The following GAB1 variants were observed in gnomAD, a reference collection of about 807,000 sequenced individuals.
GAB1 encodes GRB2 associated binding protein 1.
A neutral mutation model predicts 66.5 loss-of-function variants in GAB1; 19 were observed. The observed-to-expected ratio is 0.29, with a 90% CI of 0.20 to 0.42. The LOEUF (loss-of-function observed/expected upper bound fraction) is 0.42. GAB1 is among the 10% of genes least tolerant of loss of function. GAB1 has a pLI of 1.00. For synonymous variants in GAB1, 294 were observed against 301.4 expected (o/e 0.98, Z 0.25); for missense variants, 732 against 858.5 (o/e 0.85, Z 1.84).
intron 1 of GAB1, among the ~76,000 whole-genome samples, chr4:143,394,275 C>T (rs1305194388): frequency 2.5e-4 from 38 of 151,804 alleles, no homozygotes; most frequent in African/African-American, 7.7e-4. Flanking sequence ...GAGACTCTGT[C>T]TCAAAACAAA....
At chr4:143,373,864 A>ATATATATATATATATATATATATATAT (rs1553945752) in intron 1 of GAB1, among the ~76,000 whole-genome samples, 4 of 50,802 alleles carry the variant, frequency 7.9e-5, no homozygotes, top group African/African-American at 4.2e-4. Flanking sequence ...TCTGTAAATA[A>ATATATATATATATATATATATATATAT]ATAAATATAT....
At chr4:143,349,538 C>T (rs1362870378) in intron 1 of GAB1, 9 of 1,511,862 alleles carry the variant, frequency 6.0e-6, no homozygotes, top group South Asian at 3.4e-5. Flanking sequence ...GGCACAGGTG[C>T]GGAGACGATG....
At position 143,460,412 on chromosome 4, in the gene GAB1, A is replaced by G; in HGVS notation, c.1728A>G (p.Thr576=). 6.2e-7 allele frequency: 1 copy of G among 1,613,798 alleles called. No homozygotes were observed. The highest frequency in any genetic ancestry group is 8.5e-7 in the Non-Finnish European group (1 of 1,179,716). ...MSPRPDSVHS[T]TSSSDSHDSE... is the part of the protein sequence containing the mutation. ...CCCGACCAGATTCAGTGCATAGCAC[A>G]ACTTCAAGCAGTGACTCACACGACA... The change falls in exon 8 of 10, where the codon ACA becomes ACG. Residue 576 remains threonine, a synonymous_variant. Transcript: ENST00000262994.
At chr4:143,404,121 G>T (rs1731919436) in intron 1 of GAB1, among the ~76,000 whole-genome samples, 1 of 152,196 alleles carries the variant, frequency 6.6e-6, no homozygotes, top group Non-Finnish European at 1.5e-5. Context: ...AAGAAAATGG[G>T]AATGTTTTGT....
At position 143,343,509 on chromosome 4, in the gene GAB1, G is replaced by T. The variant is rs1418235561; in HGVS notation, c.72+6249G>T. ...TGCCTGTTGACTGAATAATAAACAG[G>T]TATCGCAGGAGCTTTTGTTATGTGC... On this transcript the variant is annotated intron_variant, in intron 1 of 9. Transcript: ENST00000262994. 4 of 154,822 alleles carry T rather than the reference G, an allele frequency of 2.6e-5. No homozygotes were observed. The East Asian group carries it at 7.7e-4, about 30-fold the overall frequency. 9.6% of individuals were successfully genotyped at this position (154,822 alleles called of 1,614,324 possible). A position where few individuals can be genotyped will look rare whatever the true frequency, so the allele number is the denominator to read the frequency against.
chr4:143,420,118 T>C (rs1033362677), intron 2 of GAB1, among the ~76,000 whole-genome samples: 1 of 152,126 alleles, frequency 6.6e-6, no homozygotes, highest in Non-Finnish European at 1.5e-5. Flanking sequence ...CACCAATCAC[T>C]AAATAATAGT....
chr4:143,373,064 CACACACA>C (rs1730210545), intron 1 of GAB1, among the ~76,000 whole-genome samples: 1 of 152,078 alleles, frequency 6.6e-6, no homozygotes, highest in South Asian at 2.1e-4. Context: ...CACACACACA[CACACACA>C]CACACACATC....
chr4:143,399,641 T>C (rs1428678769), intron 1 of GAB1, among the ~76,000 whole-genome samples: 1 of 152,234 alleles, frequency 6.6e-6, no homozygotes, highest in African/African-American at 2.4e-5. Context: ...TGTTTGCTGC[T>C]CCTTCTCTAT....
At chr4:143,425,369 C>G in intron 2 of GAB1, 2 of 760,976 alleles carry the variant, frequency 2.6e-6, no homozygotes, top group Non-Finnish European at 4.8e-6. Context: ...CTCCTGGAAC[C>G]TTCAGATGCA....
chr4:143,449,673 CCTGTGTGTGT>C (rs1734795580), intron 6 of GAB1, among the ~76,000 whole-genome samples: 1 of 152,070 alleles, frequency 6.6e-6, no homozygotes, highest in Non-Finnish European at 1.5e-5. Flanking sequence ...TTATTTTGAG[CCTGTGTGTGT>C]CTCTGCATGT....
At chr4:143,459,351 T>C in intron 6 of GAB1, 34 bp from the exon 7 acceptor site, 1 of 1,229,676 alleles carries the variant, frequency 8.1e-7, no homozygotes, top group African/African-American at 1.5e-5. Context: ...AAGTTCTGTA[T>C]ACTAAAAATC....
intron 2 of GAB1, among the ~76,000 whole-genome samples, chr4:143,426,932 G>A (rs1438641345): frequency 6.6e-6 from 1 of 152,152 alleles, no homozygotes; most frequent in Non-Finnish European, 1.5e-5. Context: ...AAATTAACAA[G>A]CCAAATGAAA....
rs1374340265 is a variant in GAB1, at chr4:143,459,443, A to G, written c.1644A>G (p.Pro548=). 2 of 1,607,320 alleles carry G rather than the reference A, an allele frequency of 1.2e-6. No homozygotes were observed. The highest frequency in any genetic ancestry group is 1.3e-5 in the African/African-American group (1 of 74,892). The change falls in exon 7 of 10, where the codon CCA becomes CCG. Residue 548 remains proline, a synonymous_variant. Coordinates refer to ENST00000262994, the MANE Select transcript of GAB1 (RefSeq NM_002039.4). ...CAGAATGGGAAGAATTACAAGCCCC[A>G]GTTAGATCTCCCATCACTAGGAGTT... ...PLPEWEELQA[P]VRSPITRSFA... is the part of the protein sequence containing the mutation.
intron 1 of GAB1, among the ~76,000 whole-genome samples, chr4:143,373,017 G>T (rs962507822): frequency 2.7e-5 from 4 of 150,032 alleles, no homozygotes; most frequent in African/African-American, 7.4e-5. Flanking sequence ...TTTTAGTAAC[G>T]CATCTGAGGA....
chr4:143,373,868 A>AATAAATAAATAAATAAATAAATATATAT, intron 1 of GAB1, among the ~76,000 whole-genome samples: 29 of 93,698 alleles, frequency 3.1e-4, no homozygotes, highest in South Asian at 1.3e-3. Flanking sequence ...TAAATAAATA[A>AATAAATAAATAAATAAATAAATATATAT]ATATATATAT....
At chr4:143,434,726 T>G (rs528325930) in intron 3 of GAB1, among the ~76,000 whole-genome samples, 1 of 152,172 alleles carries the variant, frequency 6.6e-6, no homozygotes, top group Non-Finnish European at 1.5e-5. Context: ...TCATCAAGCC[T>G]GTCCCAAATT....
intron 1 of GAB1, among the ~76,000 whole-genome samples, chr4:143,365,434 T>G (rs1027807854): frequency 1.3e-5 from 2 of 152,204 alleles, no homozygotes; most frequent in African/African-American, 4.8e-5. Flanking sequence ...CCCATCAATG[T>G]CTAGTACAAG....
chr4:143,441,803 A>T (rs755155822), intron 6 of GAB1, among the ~76,000 whole-genome samples: 1 of 152,100 alleles, frequency 6.6e-6, no homozygotes, highest in African/African-American at 2.4e-5. Context: ...CTCCCCTTCT[A>T]TGGCCTCAGT....
At chr4:143,425,264 A>T (rs1247090986) in intron 2 of GAB1, 9 of 960,712 alleles carry the variant, frequency 9.4e-6, no homozygotes, top group Middle Eastern at 2.6e-4. Flanking sequence ...AAAACCCTGC[A>T]GATGTCAGTG....
Sources: allele counts gnomAD v4.1 joint callset (sites outside exome capture counted in the v4.1 genomes callset), GRCh38; gene constraint gnomAD v4.1.1; transcripts MANE v1.5; gene names NCBI Gene and HGNC (gene_info 2026-07-23, HGNC 2026-07-21).